DMD: variants seen among roughly 807,000 people sequenced by gnomAD.
DMD encodes dystrophin, also known as mutant dystrophin.
DMD carries 63 observed loss-of-function variants against 330.1 expected under a neutral mutation model. The ratio of observed to expected loss-of-function variants is 0.19; its 90% CI spans 0.16 to 0.24. The LOEUF (loss-of-function observed/expected upper bound fraction) is 0.24. Ranked by LOEUF, DMD falls within the 10% of genes least tolerant of loss-of-function variation. The probability of loss-of-function intolerance (pLI) is 1.00; values close to 1 mark genes in which losing one functional copy is unlikely to be tolerated. For missense variants in DMD, 3,344 were observed against 2,684.1 expected, an observed-to-expected ratio of 1.25 and a Z score of -5.43; for synonymous variants, 1,223 against 959.8, an observed-to-expected ratio of 1.27 and a Z score of -5.07.
chrX:32,762,986 T>C (rs905187696), intron 7 of DMD, among the ~76,000 whole-genome samples: 1 of 111,880 alleles, frequency 8.9e-6, no homozygotes, highest in Non-Finnish European at 1.9e-5. Flanking sequence ...TATTTTTCAA[T>C]TAAAATGTAA....
intron 74 of DMD, among the ~76,000 whole-genome samples, chrX:31,155,600 A>C (rs1346137118): frequency 1.8e-5 from 2 of 111,846 alleles, no homozygotes; most frequent in African/African-American, 6.6e-5. Flanking sequence ...CTATAAATGT[A>C]GCCAATCAGC....
chrX:32,508,340 T>G (rs1449562290), intron 18 of DMD, among the ~76,000 whole-genome samples: 1 of 111,967 alleles, frequency 8.9e-6, no homozygotes, highest in Non-Finnish European at 1.9e-5. Flanking sequence ...CATACAAGTA[T>G]GCCTTGAAGA....
chrX:33,196,949 G>A (rs181244705), intron 1 of DMD, among the ~76,000 whole-genome samples: 2 of 111,348 alleles, frequency 1.8e-5, no homozygotes, highest in African/African-American at 6.5e-5. Context: ...AACTTCTAGC[G>A]CTTGTCATAT....
intron 29 of DMD, among the ~76,000 whole-genome samples, chrX:32,413,221 A>G (rs2098151137): frequency 9.0e-6 from 1 of 110,527 alleles, no homozygotes; most frequent in African/African-American, 3.3e-5. Context: ...ATCTCACCCT[A>G]TTGGACATCT....
chrX:32,178,324 T>C (rs1231050798), intron 44 of DMD, among the ~76,000 whole-genome samples: 2 of 110,396 alleles, frequency 1.8e-5, no homozygotes, highest in African/African-American at 6.6e-5. Context: ...TATGTGTTTG[T>C]AAAATAAATT....
chrX:32,781,243 T>A (rs2074726952), intron 7 of DMD, among the ~76,000 whole-genome samples: 1 of 110,916 alleles, frequency 9.0e-6, no homozygotes, highest in Non-Finnish European at 1.9e-5. Flanking sequence ...TACAACTACC[T>A]ACAGCATTGT....
intron 20 of DMD, among the ~76,000 whole-genome samples, chrX:32,488,211 T>A (rs2042662735): frequency 8.9e-6 from 1 of 112,232 alleles, no homozygotes; most frequent in Non-Finnish European, 1.9e-5. Context: ...ATGTGAACAA[T>A]TAGCCATTAT....
chrX:31,889,520 A>G (rs1796606581), intron 47 of DMD, among the ~76,000 whole-genome samples: 1 of 109,871 alleles, frequency 9.1e-6, no homozygotes, highest in Admixed American at 9.8e-5. Context: ...CCACCTACCC[A>G]CAAACTCTTC....
At chrX:31,580,676 T>C (rs2076301852) in intron 55 of DMD, among the ~76,000 whole-genome samples, 1 of 112,160 alleles carries the variant, frequency 8.9e-6, no homozygotes, top group African/African-American at 3.2e-5. Flanking sequence ...TACCATCCAC[T>C]GTTACCATCA....
chrX:32,742,391 G>A (rs757500698), intron 7 of DMD, among the ~76,000 whole-genome samples: 1 of 111,802 alleles, frequency 8.9e-6, no homozygotes, highest in African/African-American at 3.3e-5. Context: ...TGAGAACAAG[G>A]AATCAGACAA....
At chrX:32,727,165 T>A (rs746027218) in intron 7 of DMD, among the ~76,000 whole-genome samples, 1 of 111,421 alleles carries the variant, frequency 9.0e-6, no homozygotes, top group East Asian at 2.8e-4. Flanking sequence ...TCAGAAACAC[T>A]TCCAACTGGT....
chrX:33,127,955 C>G, intron 1 of DMD: 3 of 943,724 alleles, frequency 3.2e-6, no homozygotes, highest in Non-Finnish European at 4.2e-6. Flanking sequence ...AAACCCCTTT[C>G]TTCCCTTCCT....
At chrX:32,686,339 C>T (rs1197648805) in intron 9 of DMD, among the ~76,000 whole-genome samples, 1 of 110,223 alleles carries the variant, frequency 9.1e-6, no homozygotes. Flanking sequence ...GGCTGGATCA[C>T]CTGAGGTCAA....
intron 12 of DMD, among the ~76,000 whole-genome samples, chrX:32,602,459 A>T (rs1003899069): frequency 2.1e-4 from 24 of 111,925 alleles, no homozygotes; most frequent in African/African-American, 7.8e-4. Flanking sequence ...TGGGGTGGAA[A>T]GTTTCAGGCA....
intron 1 of DMD, among the ~76,000 whole-genome samples, chrX:33,038,332 T>G (rs67856072): frequency 4.5e-5 from 5 of 112,137 alleles, no homozygotes; most frequent in Admixed American, 9.4e-5. Flanking sequence ...GAAATAAGTT[T>G]AAGTCAGTGC....
chrX:32,386,173 T>C, intron 33 of DMD, 137 bp downstream of exon 33: 1 of 619,556 alleles, frequency 1.6e-6, no homozygotes, highest in Non-Finnish European at 2.7e-6. Flanking sequence ...TGTGTATATA[T>C]ATACGTATAC....
intron 7 of DMD, among the ~76,000 whole-genome samples, chrX:32,727,573 T>G (rs1391344544): frequency 1.8e-5 from 2 of 110,573 alleles, no homozygotes; most frequent in Non-Finnish European, 3.8e-5. Context: ...TTGACGTTCC[T>G]ATGCTGAATT....
At chrX:32,159,383 A>G (rs1260957662) in intron 44 of DMD, among the ~76,000 whole-genome samples, 4 of 112,087 alleles carry the variant, frequency 3.6e-5, no homozygotes, top group Non-Finnish European at 7.5e-5. Context: ...TGTCATAACA[A>G]ATAAACATCC....
rs533581363 is a variant in DMD at position 31,383,931 on chromosome X, A to G, written c.9085-35297T>C. On this transcript the variant is annotated intron_variant, in intron 60 of 78. Coordinates refer to ENST00000357033, the MANE Select transcript of DMD (RefSeq NM_004006.3). ...ATCTCCAATTAGTTTGTGTGACCTCATTCCTCCTGGAAAATGGGCAAGATC... is the reference window on the plus strand; with the variant it reads ...ATCTCCAATTAGTTTGTGTGACCTCGTTCCTCCTGGAAAATGGGCAAGATC... Among the ~76,000 whole-genome samples the G allele has an allele frequency of 2.5e-4, 28 of 111,883 alleles. No homozygotes were observed. In the South Asian group the frequency reaches 9.9e-3, roughly 40 times the overall value.
Sources: allele counts gnomAD v4.1 joint callset (sites outside exome capture counted in the v4.1 genomes callset), GRCh38; gene constraint gnomAD v4.1.1; transcripts MANE v1.5; gene names NCBI Gene and HGNC (gene_info 2026-07-23, HGNC 2026-07-21).